Variants in RAB1A observed in about 807,000 individuals in gnomAD.
The protein encoded by RAB1A is ras-related protein Rab-1A.
In RAB1A, 2 loss-of-function variants were observed where a neutral mutation model predicts 26.0. That is an observed-to-expected ratio of 0.08 (90% CI 0.03 to 0.24). The LOEUF (loss-of-function observed/expected upper bound fraction) is 0.24, where lower values mean the gene tolerates loss of function less well. Among genes scored for constraint, RAB1A ranks in the 10% least tolerant of loss-of-function variants. The probability of loss-of-function intolerance (pLI) is 1.00; values close to 1 mark genes in which losing one functional copy is unlikely to be tolerated. For missense variants in RAB1A, 100 were observed against 247.0 expected, an observed-to-expected ratio of 0.40 and a Z score of 3.99; for synonymous variants, 84 against 84.9, an observed-to-expected ratio of 0.99 and a Z score of 0.06.
intron 1 of RAB1A, among the ~76,000 whole-genome samples, chr2:65,107,615 G>A (rs756775424): frequency 5.9e-5 from 9 of 152,116 alleles, no homozygotes; most frequent in Non-Finnish European, 1.2e-4. Context: ...AGCCTCCTGA[G>A]TAGCTGGGAC....
At chr2:65,099,852 G>A (rs1203993168) in intron 2 of RAB1A, among the ~76,000 whole-genome samples, 1 of 152,132 alleles carries the variant, frequency 6.6e-6, no homozygotes, top group Non-Finnish European at 1.5e-5. Context: ...GCAGTTCTAG[G>A]TCTTCTAATT....
At chr2:65,093,902 G>A (rs769399673) in intron 3 of RAB1A, among the ~76,000 whole-genome samples, 30 of 151,838 alleles carry the variant, frequency 2.0e-4, no homozygotes, top group African/African-American at 6.1e-4. Context: ...GATTACAGGC[G>A]TGAGCCACCG....
chr2:65,096,597 G>A (rs1669291803), intron 3 of RAB1A, among the ~76,000 whole-genome samples: 1 of 152,180 alleles, frequency 6.6e-6, no homozygotes, highest in Non-Finnish European at 1.5e-5. Context: ...CAAATAAAAG[G>A]TTGAGACTGT....
intron 3 of RAB1A, among the ~76,000 whole-genome samples, chr2:65,094,181 A>G (rs1292951003): frequency 6.6e-6 from 1 of 151,920 alleles, no homozygotes; most frequent in African/African-American, 2.4e-5. Flanking sequence ...TGTTGCCCAT[A>G]CTGGTCTTGA....
chr2:65,126,552 T>C (rs972559743), intron 1 of RAB1A, among the ~76,000 whole-genome samples: 4 of 152,218 alleles, frequency 2.6e-5, no homozygotes, highest in South Asian at 2.1e-4. Flanking sequence ...AGATCCCATT[T>C]TCACTACCAA....
chr2:65,106,840 T>C (rs1296775985), intron 1 of RAB1A, among the ~76,000 whole-genome samples: 1 of 151,746 alleles, frequency 6.6e-6, no homozygotes, highest in Non-Finnish European at 1.5e-5. Context: ...TTACTACTAT[T>C]GATAAGGTTC....
At chr2:65,113,151 C>G (rs572904834) in intron 1 of RAB1A, among the ~76,000 whole-genome samples, 3 of 152,164 alleles carry the variant, frequency 2.0e-5, no homozygotes, top group Admixed American at 6.5e-5. Context: ...ACTATACATT[C>G]AATTACAAAT....
In RAB1A at chr2:65,125,423, C is replaced by CTTTTT. The variant is rs35048150; in HGVS notation, c.23+4465_23+4469dup. 6.1e-4 allele frequency among the ~76,000 whole-genome samples: 77 copies of CTTTTT among 127,268 alleles called. 1 individual carries two copies. The highest frequency in any genetic ancestry group is 9.4e-4 in the African/African-American group (31 of 32,940). The allele number at this position is 127,268 out of a possible 152,430, so 83.5% of individuals were successfully genotyped here. A position where few individuals can be genotyped will look rare whatever the true frequency, so the allele number is the denominator to read the frequency against. On this transcript the variant is annotated intron_variant, in intron 1 of 5. Transcript: ENST00000409784. ...CGAGAATAATGTTAAGTATTTCTTTCTTTTTTTTTTTTTTTTTTTGAGGAG... is the reference window on the plus strand; with the variant it reads ...CGAGAATAATGTTAAGTATTTCTTTCTTTTTTTTTTTTTTTTTTTTTTTTGAGGAG...
intron 1 of RAB1A, among the ~76,000 whole-genome samples, chr2:65,122,041 A>C (rs1399412867): frequency 2.0e-5 from 3 of 151,876 alleles, no homozygotes; most frequent in African/African-American, 7.3e-5. Flanking sequence ...CTGTAGTCCC[A>C]GTTACTCAGG....
At chr2:65,094,402 T>A (rs997094971) in intron 3 of RAB1A, among the ~76,000 whole-genome samples, 2 of 152,038 alleles carry the variant, frequency 1.3e-5, no homozygotes, top group African/African-American at 4.8e-5. Context: ...GTGACCAACA[T>A]GGAGAAACCC....
chr2:65,123,769 T>C (rs1670028693), intron 1 of RAB1A, among the ~76,000 whole-genome samples: 1 of 151,578 alleles, frequency 6.6e-6, no homozygotes, highest in East Asian at 2.0e-4. Flanking sequence ...GAGGTTGCAG[T>C]GAGCCGAGAT....
intron 1 of RAB1A, among the ~76,000 whole-genome samples, chr2:65,125,977 T>C (rs1038789297): frequency 6.8e-6 from 1 of 147,798 alleles, no homozygotes; most frequent in Admixed American, 6.8e-5. Flanking sequence ...GTTCAAGAGA[T>C]TGTCCTGCCT....
At chr2:65,092,874 A>G (rs7592816) in intron 3 of RAB1A, among the ~76,000 whole-genome samples, 135,547 of 152,158 alleles carry the variant, frequency 0.89, 60,499 homozygotes, top group East Asian at 1. Flanking sequence ...TCCCCCATTC[A>G]AGTGATAGTG....
chr2:65,089,351 T>A (rs926797423), intron 4 of RAB1A, among the ~76,000 whole-genome samples: 2 of 151,942 alleles, frequency 1.3e-5, no homozygotes, highest in Non-Finnish European at 2.9e-5. Context: ...TAGCTGGGAC[T>A]ACAGGCACAT....
intron 3 of RAB1A, among the ~76,000 whole-genome samples, chr2:65,093,693 G>A (rs1010785859): frequency 4.6e-5 from 7 of 150,990 alleles, no homozygotes; most frequent in Admixed American, 4.6e-4. Flanking sequence ...CGCAATCTTG[G>A]CTCACTGCAA....
intron 2 of RAB1A, among the ~76,000 whole-genome samples, chr2:65,098,736 A>G (rs1017432596): frequency 1.3e-5 from 2 of 151,914 alleles, no homozygotes; most frequent in Non-Finnish European, 2.9e-5. Flanking sequence ...GACATTTCGT[A>G]TAAATGGAAT....
At chr2:65,111,657 T>C (rs369355478) in intron 1 of RAB1A, among the ~76,000 whole-genome samples, 8 of 152,228 alleles carry the variant, frequency 5.3e-5, no homozygotes, top group East Asian at 1.9e-4. Context: ...AAATGTACCA[T>C]GTATGTAAGA....
chr2:65,104,616 T>C (rs1669510336), intron 2 of RAB1A, 118 bp downstream of exon 2: 8 of 777,408 alleles, frequency 1.0e-5, no homozygotes, highest in South Asian at 8.8e-5. Flanking sequence ...TCTTTAAATA[T>C]ATAAATTCTG....
chr2:65,105,163 G>GGT (rs1669524329), intron 1 of RAB1A, among the ~76,000 whole-genome samples: 1 of 152,084 alleles, frequency 6.6e-6, no homozygotes, highest in Non-Finnish European at 1.5e-5. Context: ...AATACAGAAA[G>GGT]GTAACTTTTC....
Sources: allele counts gnomAD v4.1 joint callset (sites outside exome capture counted in the v4.1 genomes callset), GRCh38; gene constraint gnomAD v4.1.1; transcripts MANE v1.5; gene names NCBI Gene and HGNC (gene_info 2026-07-23, HGNC 2026-07-21).